GAS2: variants seen among roughly 807,000 people sequenced by gnomAD.
GAS2 encodes growth arrest-specific protein 2.
A neutral mutation model predicts 37.5 loss-of-function variants in GAS2; 20 were observed. The ratio of observed to expected loss-of-function variants is 0.53; its 90% CI spans 0.37 to 0.77. The LOEUF is 0.77. Among genes scored for constraint, GAS2 ranks in the 30% least tolerant of loss-of-function variants. The probability of loss-of-function intolerance (pLI) is 0.00; values close to 1 mark genes in which losing one functional copy is unlikely to be tolerated. For synonymous variants in GAS2, 144 were observed against 132.2 expected (o/e 1.09, Z -0.61); for missense variants, 336 against 373.4 (o/e 0.90, Z 0.82).
chr11:22,695,783 A>G (rs975316355), intron 3 of GAS2, among the ~76,000 whole-genome samples: 1 of 152,150 alleles, frequency 6.6e-6, no homozygotes, highest in African/African-American at 2.4e-5. Context: ...AATAAAGAAA[A>G]AATTTCAAAA....
At chr11:22,804,441 A>G (rs909372243) in intron 7 of GAS2, among the ~76,000 whole-genome samples, 13 of 152,072 alleles carry the variant, frequency 8.5e-5, no homozygotes, top group African/African-American at 3.1e-4. Flanking sequence ...TAAGGACCAT[A>G]TATTGTATTT....
At chr11:22,679,841 T>G (rs78358847) in intron 2 of GAS2, among the ~76,000 whole-genome samples, 1 of 124,492 alleles carries the variant, frequency 8.0e-6, no homozygotes, top group South Asian at 2.6e-4. Flanking sequence ...TCAGATATAT[T>G]AAAAATCAAG....
intron 1 of GAS2, among the ~76,000 whole-genome samples, chr11:22,671,960 A>ATT (rs1040540148): frequency 4.1e-5 from 6 of 146,722 alleles, no homozygotes; most frequent in Admixed American, 1.4e-4. Flanking sequence ...CCGTTGAGTC[A>ATT]TTTAAGTTTG....
At chr11:22,666,385 A>G (rs1044514749), upstream of GAS2, among the ~76,000 whole-genome samples, 2 of 152,202 alleles carry the variant, frequency 1.3e-5, no homozygotes, top group African/African-American at 2.4e-5. Context: ...CCAACACCCA[A>G]TTTTAATATT....
At chr11:22,729,379 G>C (rs1747054126) in intron 4 of GAS2, among the ~76,000 whole-genome samples, 1 of 151,856 alleles carries the variant, frequency 6.6e-6, no homozygotes, top group Non-Finnish European at 1.5e-5. Context: ...CTCAGTGGGT[G>C]AGGGAAGGTG....
chr11:22,721,337 A>G (rs969573651), intron 3 of GAS2, among the ~76,000 whole-genome samples: 1 of 152,062 alleles, frequency 6.6e-6, no homozygotes, highest in African/African-American at 2.4e-5. Flanking sequence ...TTACAACACT[A>G]TAAATAGAAT....
At chr11:22,723,076 C>T (rs1006648353) in intron 3 of GAS2, among the ~76,000 whole-genome samples, 25 of 151,778 alleles carry the variant, frequency 1.6e-4, no homozygotes, top group Non-Finnish European at 2.9e-4. Flanking sequence ...TTAAAAAAAT[C>T]CTCAAATAAA....
chr11:22,798,338 T>C (rs963466149), intron 7 of GAS2, among the ~76,000 whole-genome samples: 1 of 152,044 alleles, frequency 6.6e-6, no homozygotes, highest in East Asian at 1.9e-4. Flanking sequence ...TTAATATCTG[T>C]GTTTGAACAA....
At chr11:22,737,531 T>C (rs1852819362) in intron 4 of GAS2, among the ~76,000 whole-genome samples, 174 bp from the exon 5 acceptor site, 1 of 152,150 alleles carries the variant, frequency 6.6e-6, no homozygotes, top group East Asian at 1.9e-4. Flanking sequence ...AGAACTAATT[T>C]AAGCCTTTAG....
intron 4 of GAS2, among the ~76,000 whole-genome samples, chr11:22,735,892 G>C (rs77413767): frequency 0.019 from 2,953 of 151,442 alleles, 105 homozygotes; most frequent in African/African-American, 0.068. Flanking sequence ...GCTTCACACA[G>C]CTTTTACTTA....
chr11:22,680,103 A>T (rs974560221), intron 2 of GAS2, among the ~76,000 whole-genome samples: 5 of 152,100 alleles, frequency 3.3e-5, no homozygotes, highest in Non-Finnish European at 7.4e-5. Context: ...ATGAGTTTGG[A>T]ACAGCTTGCT....
Position 22,695,048 on chromosome 11 carries a change from G to A in GAS2, c.267+9259G>A, listed in dbSNP as rs189959035. Among the ~76,000 whole-genome samples, 1,288 of 152,172 alleles carry A rather than the reference G, an allele frequency of 8.5e-3. 14 individuals carry two copies. Among genetic ancestry groups the A allele is most frequent in the African/African-American group, 0.03 (1,227 of 41,504 alleles). On this transcript the variant is annotated intron_variant, in intron 3 of 7. Transcript: ENST00000454584. ...AAAAAGTGTGGGTTCGGCTGGGTGCGGTGGCTCACCCCTGTATTCCCAATA... is the reference window on the plus strand; with the variant it reads ...AAAAAGTGTGGGTTCGGCTGGGTGCAGTGGCTCACCCCTGTATTCCCAATA...
chr11:22,809,232 C>T (rs192289944), intron 7 of GAS2, among the ~76,000 whole-genome samples: 2 of 152,004 alleles, frequency 1.3e-5, no homozygotes, highest in Non-Finnish European at 2.9e-5. Flanking sequence ...GGTGCTGCAA[C>T]CAAGAAGAAC....
At chr11:22,670,738 G>A (rs1849165709) in intron 1 of GAS2, among the ~76,000 whole-genome samples, 1 of 152,048 alleles carries the variant, frequency 6.6e-6, no homozygotes, top group South Asian at 2.1e-4. Context: ...GTACAAAGAG[G>A]AAAATTCATA....
At chr11:22,733,665 A>AT (rs969325867) in intron 4 of GAS2, among the ~76,000 whole-genome samples, 11 of 151,614 alleles carry the variant, frequency 7.3e-5, no homozygotes, top group East Asian at 3.9e-4. Flanking sequence ...TGCCCATGAG[A>AT]TTTTTTTTAA....
At chr11:22,708,632 C>T in intron 3 of GAS2, among the ~76,000 whole-genome samples, 1 of 152,102 alleles carries the variant, frequency 6.6e-6, no homozygotes, top group Middle Eastern at 3.2e-3. Context: ...GGAATATATG[C>T]CTCGGCTACA....
chr11:22,725,720 A>G (rs1852171217), intron 3 of GAS2, among the ~76,000 whole-genome samples: 1 of 152,070 alleles, frequency 6.6e-6, no homozygotes, highest in African/African-American at 2.4e-5. Context: ...CACCACACAC[A>G]GCAAATGTTA....
At chr11:22,723,032 G>A (rs539638113) in intron 3 of GAS2, among the ~76,000 whole-genome samples, 5 of 151,764 alleles carry the variant, frequency 3.3e-5, no homozygotes, top group African/African-American at 4.8e-5. Context: ...TTCTAGTTAC[G>A]TGTGATAGAC....
intron 7 of GAS2, among the ~76,000 whole-genome samples, chr11:22,785,890 C>T (rs1855797499): frequency 6.6e-6 from 1 of 152,056 alleles, no homozygotes; most frequent in African/African-American, 2.4e-5. Flanking sequence ...TTGGCACATT[C>T]AGAAATTACC....
Sources: gnomAD v4.1 joint callset for allele counts (sites outside exome capture counted in the v4.1 genomes callset) on GRCh38, gnomAD v4.1.1 for gene constraint, MANE v1.5 for transcripts, NCBI Gene and HGNC (gene_info 2026-07-23, HGNC 2026-07-21) for gene names.